The following BAG6 variants were observed in gnomAD, a reference collection of about 807,000 sequenced individuals.
BAG6 encodes BAG cochaperone 6, also known as large proline-rich protein BAG6.
In BAG6, 22 loss-of-function variants were observed where a neutral mutation model predicts 121.0. The ratio of observed to expected loss-of-function variants is 0.18; its 90% CI spans 0.13 to 0.26. BAG6 has a LOEUF of 0.26. Ranked by LOEUF, BAG6 falls within the 10% of genes least tolerant of loss-of-function variation. The probability of loss-of-function intolerance (pLI) is 1.00; values close to 1 mark genes in which losing one functional copy is unlikely to be tolerated. For synonymous variants in BAG6, 583 were observed against 584.6 expected (o/e 1.00, Z 0.04); for missense variants, 1,233 against 1,537.7 (o/e 0.80, Z 3.31).
At chr6:31,651,882 G>A in intron 1 of BAG6, 106 bp from the exon 2 acceptor site, 5 of 729,190 alleles carry the variant, frequency 6.9e-6, no homozygotes, top group East Asian at 2.6e-5. Flanking sequence ...AGTTTCTCCT[G>A]CACACACACA....
chr6:31,641,307 G>A lies in BAG6; in HGVS notation c.2662+13C>T. On this transcript the variant is annotated intron_variant, in intron 19 of 25. Transcript: ENST00000676615. This position sits in a 1 kb window ranked among gnomAD's most constrained non-coding sequence, Gnocchi z 5.7. Reference sequence around the variant, plus strand: ...AACAGGCCCCACTTGCCCCCGCCTGGCCAGCCCCTGACCTGTGCAATGCAG... The same window carrying A: ...AACAGGCCCCACTTGCCCCCGCCTGACCAGCCCCTGACCTGTGCAATGCAG... 1 of 1,613,904 alleles carries A rather than the reference G, an allele frequency of 6.2e-7. No individual in the cohort carries two copies. The highest frequency in any genetic ancestry group is 8.5e-7 in the Non-Finnish European group (1 of 1,179,794).
Position 31,651,796 on chromosome 6 carries a change from G to A in BAG6, c.-13-20C>T, listed in dbSNP as rs1260167739. The A allele has an allele frequency of 2.5e-6, 4 of 1,595,330 alleles. No individual in the cohort carries two copies. Among genetic ancestry groups the A allele is most frequent in the South Asian group, 2.2e-5 (2 of 90,732 alleles). ...AGGTCTCTAAAGAAGAACGAAGGAA[G>A]GAAGGCCCGCTGTTGCCCAGACCAG... is the stretch of plus-strand genomic sequence containing the variant. On this transcript the variant is annotated intron_variant, in intron 1 of 25. Transcript: ENST00000676615.
chr6:31,648,990 T>G, intron 4 of BAG6, 26 bp from the exon 5 acceptor site: 1 of 1,521,746 alleles, frequency 6.6e-7, no homozygotes, highest in South Asian at 1.3e-5. Context: ...GGGAAGTTGT[T>G]CTGGGAGAAG....
chr6:31,651,638 A>G lies in BAG6; in HGVS notation c.108+18T>C, dbSNP rs778688576. Reference sequence around the variant, plus strand: ...GGAAAAGCTAAAGGTGTCTTCCAGAACTAGTGAGGTGTCTCACCTGGGCCC... The same window carrying G: ...GGAAAAGCTAAAGGTGTCTTCCAGAGCTAGTGAGGTGTCTCACCTGGGCCC... On this transcript the variant is annotated intron_variant, in intron 2 of 25. Transcript: ENST00000676615. 4.4e-6 allele frequency: 7 copies of G among 1,606,698 alleles called. No homozygotes were observed. The highest frequency in any genetic ancestry group is 6.0e-6 in the Non-Finnish European group (7 of 1,174,280).
chr6:31,641,429 G>A lies in BAG6; in HGVS notation c.2560-7C>T, dbSNP rs376951299. 3.6e-5 allele frequency: 58 copies of A among 1,614,194 alleles called. 1 individual carries two copies. The African/African-American group carries it at 7.5e-4, about 21-fold the overall frequency. The stretch of plus-strand genomic sequence containing the variant: ...GCTGAACCTGCACCAAGGACTGAGA[G>A]ACAAGATAACACAAAGATCCCAAAA... On this transcript the variant is annotated splice_region_variant and splice_polypyrimidine_tract_variant and intron_variant, in intron 18 of 25. Coordinates refer to ENST00000676615, the MANE Select transcript of BAG6 (RefSeq NM_001387994.1). This position sits in a 1 kb window ranked among gnomAD's most constrained non-coding sequence, Gnocchi z 5.7.
At chr6:31,646,766 G>GT (rs66820473) in intron 7 of BAG6, among the ~76,000 whole-genome samples, 14,574 of 60,776 alleles carry the variant, frequency 0.24, 3,559 homozygotes, top group East Asian at 0.46. Context: ...GCTAATTTTT[G>GT]TTTTTTTTTT....
chr6:31,649,383 T>C lies in BAG6; in HGVS notation c.239A>G (p.Lys80Arg), dbSNP rs1382766089. The C allele has an allele frequency of 1.2e-6, 2 of 1,603,972 alleles. No individual in the cohort carries two copies. Among genetic ancestry groups the C allele is most frequent in the Admixed American group, 1.7e-5 (1 of 58,388 alleles). The change falls in exon 4 of 26, where the codon AAG becomes AGG. Residue 80 changes from lysine (K) to arginine (R), a missense_variant. Physicochemically the swap from Lys to Arg is conservative, Grantham distance 26. Coordinates refer to ENST00000676615, the MANE Select transcript of BAG6 (RefSeq NM_001387994.1). ...AGCCCGTTCCACCAGGTGGATAACC[T>C]TTCCCCCAACATCTGCAGAAAAATA... ...KKLQEYNVGG[K>R]VIHLVERAPP... is the part of the protein sequence containing the mutation.
In BAG6 at chr6:31,643,929, C is replaced by T. The variant is rs368669854; in HGVS notation, c.1717G>A (p.Gly573Ser). The change falls in exon 14 of 26, where the codon GGC becomes AGC. Residue 573 changes from glycine to serine, a missense_variant. Gly to Ser is a moderately conservative substitution (Grantham distance 56). Transcript: ENST00000676615. ...TNASLAQMVS[G>S]LVGQLLMQPV... is the part of the protein sequence containing the mutation. ...TGCATAAGAAGCTGCCCCACAAGGC[C>T]GCTCACCATCTGGGCCAACGAGGCA... 61 of 1,613,522 alleles carry T rather than the reference C, an allele frequency of 3.8e-5. No homozygotes were observed. Among genetic ancestry groups the T allele is most frequent in the African/African-American group, 3.3e-4 (25 of 74,878 alleles).
chr6:31,644,907 C>A lies in BAG6; in HGVS notation c.1369+39G>T, dbSNP rs1376851602. On this transcript the variant is annotated intron_variant, in intron 10 of 25. Coordinates refer to ENST00000676615, the MANE Select transcript of BAG6 (RefSeq NM_001387994.1). The surrounding 1 kb of genome is among the most constrained non-coding windows in gnomAD (Gnocchi z 4.9). ...ACACCTCAGCATGAACCTCCCTCAT[C>A]ATGCTGATCCTGCTCTTCTCGCCAG... is the stretch of plus-strand genomic sequence containing the variant. 1 of 1,543,656 alleles carries A rather than the reference C, an allele frequency of 6.5e-7. No homozygotes were observed. The highest frequency in any genetic ancestry group is 1.9e-5 in the Admixed American group (1 of 51,658).
intron 14 of BAG6, 95 bp from the exon 15 acceptor site, chr6:31,643,210 G>T: frequency 6.2e-6 from 8 of 1,288,694 alleles, no homozygotes; most frequent in Non-Finnish European, 7.4e-6. Context: ...AGAACTGCTT[G>T]AGCCCAGGAG....
In BAG6 at chr6:31,643,705, G is replaced by C. The variant is rs959366730; in HGVS notation, c.1756+185C>G. Among the ~76,000 whole-genome samples the C allele has an allele frequency of 7.2e-5, 8 of 110,348 alleles. No individual in the cohort carries two copies. In the East Asian group the frequency reaches 2.1e-3, roughly 29 times the overall value. 72.4% of individuals were successfully genotyped at this position (110,348 alleles called of 152,430 possible). On this transcript the variant is annotated intron_variant, in intron 14 of 25. Transcript: ENST00000676615. The stretch of plus-strand genomic sequence containing the variant: ...TACACTGCACTCCAGCCTAGCAACA[G>C]AGTGAGACTCCATCTCAAAAAAAAA...
intron 2 of BAG6, among the ~76,000 whole-genome samples, chr6:31,650,757 C>T (rs1179506402): frequency 2.6e-5 from 4 of 151,806 alleles, no homozygotes; most frequent in Non-Finnish European, 5.9e-5. Flanking sequence ...CATCTAATCA[C>T]AAGTCTATAT....
Position 31,649,638 on chromosome 6 carries a change from G to A in BAG6, c.109-11C>T, listed in dbSNP as rs1231997233. The A allele has an allele frequency of 6.2e-6, 10 of 1,606,022 alleles. No homozygotes were observed. The highest frequency in any genetic ancestry group is 2.2e-5 in the East Asian group (1 of 44,846). ...CTCTTTTACATTCATCTGAAAAGAA[G>A]AGGCATGCACAGGAATGGAAAGAAT... On this transcript the variant is annotated splice_polypyrimidine_tract_variant and intron_variant, in intron 2 of 25. Transcript: ENST00000676615.
In BAG6 at chr6:31,641,592, T is replaced by C. The variant is rs1782835283; in HGVS notation, c.2506A>G (p.Met836Val). 6.2e-6 allele frequency: 10 copies of C among 1,614,086 alleles called. No individual in the cohort carries two copies. Among genetic ancestry groups the C allele is most frequent in the Non-Finnish European group, 8.5e-6 (10 of 1,179,960 alleles). Residue 836 changes from methionine to valine, a missense_variant and splice_region_variant, in exon 18 of 26, where the codon ATG (methionine) becomes GTG (valine). Physicochemically the swap from Met to Val is conservative, Grantham distance 21. Around this residue, in one of 7 missense-constraint regions of BAG6, gnomAD observed 288 missense variants for 483.1 expected, o/e 0.60. Transcript: ENST00000676615. The surrounding 1 kb of genome is among the most constrained non-coding windows in gnomAD (Gnocchi z 5.7). ...GQEPTPSNIR[M>V]ATHTLITGLE... is the part of the protein sequence containing the mutation. ...CCCGTGATCAATGTGTGGGTTGCCA[T>C]CTGTGGAGGAAACAGAACAGGTTTA...
chr6:31,641,742 G>A lies in BAG6; in HGVS notation c.2505+34C>T. On this transcript the variant is annotated intron_variant, in intron 17 of 25. Coordinates refer to ENST00000676615, the MANE Select transcript of BAG6 (RefSeq NM_001387994.1). The surrounding 1 kb of genome is among the most constrained non-coding windows in gnomAD (Gnocchi z 5.7). Reference sequence around the variant, plus strand: ...GAAATAAGGAATAAAATGTGCAAAAGAGGAGAGTTCTGGGGCCCCTGGCCT... The same window carrying A: ...GAAATAAGGAATAAAATGTGCAAAAAAGGAGAGTTCTGGGGCCCCTGGCCT... 1.2e-6 allele frequency: 2 copies of A among 1,612,356 alleles called. No homozygotes were observed. Among genetic ancestry groups the A allele is most frequent in the Non-Finnish European group, 1.7e-6 (2 of 1,179,024 alleles).
Position 31,641,296 on chromosome 6 carries a change from G to GCC in BAG6, c.2662+22_2662+23dup. 6.2e-7 allele frequency: 1 copy of GCC among 1,613,752 alleles called. No individual in the cohort carries two copies. Among genetic ancestry groups the GCC allele is most frequent in the Non-Finnish European group, 8.5e-7 (1 of 1,179,678 alleles). ...CCTGCACATGCAACAGGCCCCACTTGCCCCCGCCTGGCCAGCCCCTGACCT... is the reference window on the plus strand; with the variant it reads ...CCTGCACATGCAACAGGCCCCACTTGCCCCCCCGCCTGGCCAGCCCCTGACCT... On this transcript the variant is annotated intron_variant, in intron 19 of 25. Transcript: ENST00000676615. This position sits in a 1 kb window ranked among gnomAD's most constrained non-coding sequence, Gnocchi z 5.7.
Position 31,645,083 on chromosome 6 carries a change from G to A in BAG6, c.1232C>T (p.Ser411Phe). 1 of 1,613,004 alleles carries A rather than the reference G, an allele frequency of 6.2e-7. No homozygotes were observed. Among genetic ancestry groups the A allele is most frequent in the South Asian group, 1.1e-5 (1 of 91,080 alleles). Reference protein sequence around the residue: ...PGQASSVAPSSTNVESSAEGA... With the variant: ...PGQASSVAPSFTNVESSAEGA... Reference sequence around the variant, plus strand: ...CTCAGCTGAGGACTCGACATTGGTAGAAGACGGAGCCACGGATGAGGCCTG... The same window carrying A: ...CTCAGCTGAGGACTCGACATTGGTAAAAGACGGAGCCACGGATGAGGCCTG... Residue 411 changes from serine (S) to phenylalanine (F), a missense_variant, in exon 10 of 26, where the codon TCT becomes TTT. By Grantham distance (155) the Ser-to-Phe change is radical. This residue lies in a region of BAG6 where 777 missense variants were observed against 861.4 expected (regional missense o/e 0.90). Coordinates refer to ENST00000676615, the MANE Select transcript of BAG6 (RefSeq NM_001387994.1).
At chr6:31,648,016 ATTTTT>A (rs9281542) in intron 6 of BAG6, 190 bp from the exon 7 acceptor site, 3 of 274,646 alleles carry the variant, frequency 1.1e-5, no homozygotes, top group Non-Finnish European at 1.6e-5. Flanking sequence ...AGCATCTGTA[ATTTTT>A]TTTTTTTTTT....
At chr6:31,649,706 G>A (rs760691537) in intron 2 of BAG6, 79 bp from the exon 3 acceptor site, 2 of 1,292,162 alleles carry the variant, frequency 1.5e-6, no homozygotes, top group Admixed American at 1.7e-5. Flanking sequence ...GAGTTGTGGA[G>A]GTGAGGGGTA....
Sources: gnomAD v4.1 joint callset for allele counts (sites outside exome capture counted in the v4.1 genomes callset) on GRCh38, gnomAD v4.1.1 for gene constraint, gnomAD v4.1.1 regional missense constraint, Gnocchi (gnomAD v3.1) non-coding constraint, MANE v1.5 for transcripts, NCBI Gene and HGNC (gene_info 2026-07-23, HGNC 2026-07-21) for gene names.